EXTL3: variants seen among roughly 807,000 people sequenced by gnomAD.
The protein encoded by EXTL3 is exostosin like glycosyltransferase 3, also known as exostosin-like 3.
A neutral mutation model predicts 69.3 loss-of-function variants in EXTL3; 27 were observed. That is an observed-to-expected ratio of 0.39 (90% CI 0.29 to 0.54). The LOEUF is 0.54. EXTL3 is among the 20% of genes least tolerant of loss of function. EXTL3 has a pLI of 0.69. For missense variants in EXTL3, 1,003 were observed against 1,231.8 expected, an observed-to-expected ratio of 0.81 and a Z score of 2.78; for synonymous variants, 511 against 499.4, an observed-to-expected ratio of 1.02 and a Z score of -0.31.
chr8:28,665,263 C>T (rs1462506636), intron 1 of EXTL3, among the ~76,000 whole-genome samples: 1 of 150,902 alleles, frequency 6.6e-6, no homozygotes, highest in Admixed American at 6.6e-5. Flanking sequence ...TTAGTAGAGA[C>T]GGGGTTTTGC....
upstream of EXTL3, among the ~76,000 whole-genome samples, chr8:28,619,845 CTTTTTTTTTTTTTTTTTTTTTTTTTTTT>C (rs56276866): frequency 9.8e-5 from 5 of 50,800 alleles, no homozygotes; most frequent in African/African-American, 2.0e-4. Context: ...GCTTCTGGTT[CTTTTTTTTTTTTTTTTTTTTTTTTTTTT>C]TTTTTTTTTT....
chr8:28,744,836 G>A (rs999853380), intron 6 of EXTL3, among the ~76,000 whole-genome samples: 7 of 149,648 alleles, frequency 4.7e-5, no homozygotes, highest in Admixed American at 1.3e-4. Context: ...AGTAGCATGC[G>A]CCTGTAATCC....
chr8:28,616,554 G>C (rs1380972573), intron 2 of EXTL3, among the ~76,000 whole-genome samples: 1 of 152,120 alleles, frequency 6.6e-6, no homozygotes, highest in Non-Finnish European at 1.5e-5. Flanking sequence ...GTGAACCTGG[G>C]AGGTGGAGCT....
Position 28,636,482 on chromosome 8 carries a change from G to A in EXTL3, c.-53+13672G>A, listed in dbSNP as rs557033588. On this transcript the variant is annotated intron_variant, in intron 1 of 6. Coordinates refer to the EXTL3 transcript ENST00000523149. Reference sequence around the variant, plus strand: ...AAGGATCTTACCTAATAGCCTCTTGGTATCTGCTCTCTCCAAGGGCAATAT... The same window carrying A: ...AAGGATCTTACCTAATAGCCTCTTGATATCTGCTCTCTCCAAGGGCAATAT... Among the ~76,000 whole-genome samples the A allele has an allele frequency of 4.6e-5, 7 of 152,304 alleles. No homozygotes were observed. In the South Asian group the frequency reaches 1.4e-3, roughly 32 times the overall value.
rs1264657036 is a variant in EXTL3, at chr8:28,623,609, CT to C, written c.-53+803del. ...AAAGTCTAGACCCCATCTTTGCCTA[CT>C]TTTCAAGGCTTGGCAAAGCACGTGT... is the stretch of plus-strand genomic sequence containing the variant. On this transcript the variant is annotated intron_variant, in intron 1 of 6. Transcript: ENST00000523149. This position sits in a 1 kb window ranked among gnomAD's most constrained non-coding sequence, Gnocchi z 4.2. 6.6e-6 allele frequency among the ~76,000 whole-genome samples: 1 copy of C among 152,198 alleles called. No homozygotes were observed. Among genetic ancestry groups the C allele is most frequent in the African/African-American group, 2.4e-5 (1 of 41,462 alleles).
intron 1 of EXTL3, among the ~76,000 whole-genome samples, chr8:28,665,996 G>C (rs1440117967): frequency 2.0e-5 from 3 of 152,148 alleles, no homozygotes; most frequent in African/African-American, 7.2e-5. Flanking sequence ...CTTCCTGGTG[G>C]CGTTTGAATC....
intron 1 of EXTL3, among the ~76,000 whole-genome samples, chr8:28,655,104 C>A (rs1444782333): frequency 6.9e-6 from 1 of 144,306 alleles, no homozygotes; most frequent in African/African-American, 2.5e-5. Context: ...AATATTCTCT[C>A]AATATTTTGA....
At chr8:28,661,799 T>C (rs1201065577) in intron 1 of EXTL3, among the ~76,000 whole-genome samples, 1 of 151,610 alleles carries the variant, frequency 6.6e-6, no homozygotes, top group East Asian at 1.9e-4. Context: ...GCAGGAAAAT[T>C]GCTTGAACCC....
chr8:28,748,462 T>C (rs542841788), intron 6 of EXTL3, among the ~76,000 whole-genome samples: 2 of 152,266 alleles, frequency 1.3e-5, no homozygotes, highest in East Asian at 3.9e-4. Context: ...AACAAACTTA[T>C]TTTTTCAGTG....
intron 1 of EXTL3, among the ~76,000 whole-genome samples, chr8:28,631,143 C>CTTTT (rs10659135): frequency 0.018 from 2,544 of 144,766 alleles, 68 homozygotes; most frequent in African/African-American, 0.048. Flanking sequence ...TTAGAGAGGA[C>CTTTT]TTTTTTTTTT....
chr8:28,667,858 TA>T (rs879703751), intron 1 of EXTL3, among the ~76,000 whole-genome samples: 6,451 of 137,716 alleles, frequency 0.047, 400 homozygotes, highest in African/African-American at 0.15. Context: ...AATTAAAGTA[TA>T]AAAAAAAAAA....
In EXTL3 at chr8:28,733,296, C is replaced by T. The variant is rs115571788; in HGVS notation, c.2276+1946C>T. ...GAAGGTTCTAGCTTCTCCACATCTT[C>T]GTCAATGCTTGTTATTTTCCATTTT... On this transcript the variant is annotated intron_variant, in intron 4 of 6. Coordinates refer to ENST00000220562, the MANE Select transcript of EXTL3 (RefSeq NM_001440.4). 3.7e-3 allele frequency among the ~76,000 whole-genome samples: 570 copies of T among 152,110 alleles called. 7 individuals carry two copies. Among genetic ancestry groups the T allele is most frequent in the African/African-American group, 0.013 (539 of 41,472 alleles).
At chr8:28,610,077 C>T (rs1013964581) in intron 2 of EXTL3, among the ~76,000 whole-genome samples, 5 of 152,092 alleles carry the variant, frequency 3.3e-5, no homozygotes, top group Admixed American at 2.6e-4. Context: ...GGTGGTGGTG[C>T]CTGTAGTCCC....
chr8:28,741,134 A>G (rs1801770096), intron 5 of EXTL3: 1 of 151,968 alleles, frequency 6.6e-6, no homozygotes, highest in Admixed American at 6.6e-5. Context: ...TCCTGACCTC[A>G]AGTGATCCAC....
intron 1 of EXTL3, among the ~76,000 whole-genome samples, chr8:28,654,669 CATCTTCTATTATTAT>C (rs1205728966): frequency 1.3e-5 from 2 of 152,112 alleles, no homozygotes; most frequent in Non-Finnish European, 2.9e-5. Context: ...TCTCTAATAC[CATCTTCTATTATTAT>C]ATCCACATTG....
intron 1 of EXTL3, among the ~76,000 whole-genome samples, chr8:28,673,249 A>G (rs1370543553): frequency 2.0e-5 from 3 of 152,168 alleles, no homozygotes; most frequent in African/African-American, 7.2e-5. Context: ...TGCCCATGAA[A>G]TGGTTAATTT....
At chr8:28,658,826 C>G (rs1460473996) in intron 1 of EXTL3, among the ~76,000 whole-genome samples, 1 of 152,174 alleles carries the variant, frequency 6.6e-6, no homozygotes, top group Non-Finnish European at 1.5e-5. Context: ...AGTGATCCAC[C>G]CACCTCAGCC....
At chr8:28,658,557 A>G (rs1227008135) in intron 1 of EXTL3, among the ~76,000 whole-genome samples, 1 of 150,936 alleles carries the variant, frequency 6.6e-6, no homozygotes, top group Non-Finnish European at 1.5e-5. Context: ...TATCTTGGAG[A>G]CTCTAAAAAT....
intron 1 of EXTL3, among the ~76,000 whole-genome samples, chr8:28,648,761 A>G (rs2130598688): frequency 6.6e-6 from 1 of 151,950 alleles, no homozygotes; most frequent in South Asian, 2.1e-4. Context: ...ATCTATTTTT[A>G]TTAGAGATAG....
Sources: gnomAD v4.1 joint callset for allele counts (sites outside exome capture counted in the v4.1 genomes callset) on GRCh38, gnomAD v4.1.1 for gene constraint, Gnocchi (gnomAD v3.1) non-coding constraint, MANE v1.5 for transcripts, NCBI Gene and HGNC (gene_info 2026-07-23, HGNC 2026-07-21) for gene names.